Variants in SRBD1 observed in about 807,000 individuals in gnomAD.
SRBD1 encodes S1 RNA binding domain 1.
Under a neutral mutation model 115.3 loss-of-function variants are expected in SRBD1, and 88 were observed. The ratio of observed to expected loss-of-function variants is 0.76; its 90% CI spans 0.64 to 0.91. The LOEUF is 0.91. SRBD1 is among the 40% of genes least tolerant of loss of function. The pLI is 0.00. For synonymous variants in SRBD1, 509 were observed against 407.7 expected (o/e 1.25, Z -2.99); for missense variants, 1,385 against 1,177.4 (o/e 1.18, Z -2.58).
At chr2:45,597,264 C>T (rs1358198352) in intron 4 of SRBD1, among the ~76,000 whole-genome samples, 2 of 151,860 alleles carry the variant, frequency 1.3e-5, no homozygotes, top group Non-Finnish European at 2.9e-5. Flanking sequence ...ACTAAAAATA[C>T]AAAAAATTAG....
chr2:45,454,249 G>A (rs1263993322), intron 16 of SRBD1, among the ~76,000 whole-genome samples: 2 of 151,838 alleles, frequency 1.3e-5, no homozygotes, highest in Admixed American at 6.6e-5. Flanking sequence ...GTAAGATCGT[G>A]GTACTGTGAG....
intron 14 of SRBD1, among the ~76,000 whole-genome samples, chr2:45,541,998 G>A (rs535800101): frequency 6.6e-6 from 1 of 152,346 alleles, no homozygotes; most frequent in East Asian, 1.9e-4. Flanking sequence ...CTGGCTTGGA[G>A]GTGGGGGTTT....
intron 16 of SRBD1, among the ~76,000 whole-genome samples, chr2:45,431,738 G>C (rs368932568): frequency 1.3e-5 from 2 of 152,042 alleles, no homozygotes; most frequent in African/African-American, 2.4e-5. Context: ...TATCAAACCT[G>C]CATGTGCTGT....
chr2:45,610,853 G>A (rs1186290242), intron 1 of SRBD1, among the ~76,000 whole-genome samples: 2 of 151,988 alleles, frequency 1.3e-5, no homozygotes, highest in Non-Finnish European at 2.9e-5. Flanking sequence ...GCGTGAATCC[G>A]GGAGGCGGAG....
intron 16 of SRBD1, among the ~76,000 whole-genome samples, chr2:45,469,735 T>C (rs530660910): frequency 2.1e-4 from 32 of 152,338 alleles, no homozygotes; most frequent in African/African-American, 7.5e-4. Flanking sequence ...TTCATACACC[T>C]AGTCAAGGTC....
At chr2:45,477,135 T>A (rs1669827935) in intron 15 of SRBD1, 60 bp from the exon 16 acceptor site, 1 of 1,363,668 alleles carries the variant, frequency 7.3e-7, no homozygotes, top group Admixed American at 1.7e-5. Context: ...ACCTAATAAT[T>A]ACTTACATTA....
intron 11 of SRBD1, among the ~76,000 whole-genome samples, chr2:45,552,365 AAGAG>A (rs1217474408): frequency 6.6e-6 from 1 of 152,314 alleles, no homozygotes; most frequent in East Asian, 1.9e-4. Flanking sequence ...TAGAAAAAGA[AAGAG>A]AAAGTACTCT....
At chr2:45,472,493 G>A (rs1380737160) in intron 16 of SRBD1, among the ~76,000 whole-genome samples, 2 of 152,016 alleles carry the variant, frequency 1.3e-5, no homozygotes, top group Non-Finnish European at 2.9e-5. Flanking sequence ...TTTAAGAGAT[G>A]GGGGGGTCTC....
intron 18 of SRBD1, among the ~76,000 whole-genome samples, chr2:45,417,791 G>C (rs150720079): frequency 6.6e-6 from 1 of 152,200 alleles, no homozygotes; most frequent in African/African-American, 2.4e-5. Context: ...TTAGGGAACA[G>C]CTATGTCAGT....
Position 45,389,393 on chromosome 2 carries a change from G to A in SRBD1, c.2905C>T (p.Pro969Ser). The stretch of plus-strand genomic sequence containing the variant: ...ACTTGGACTTCCACTCTTTCTCCGG[G>A]GCCCAGTCCAAGGCTTCTTCTCTTC... ...TKKRRSLGLG[P>S]GERVEVQVLN... Residue 969 changes from proline (P) to serine (S), a missense_variant, in exon 21 of 21, where the codon CCC (proline) becomes TCC (serine). By Grantham distance (74) the Pro-to-Ser change is moderately conservative (BLOSUM62 -1). Coordinates refer to ENST00000263736, the MANE Select transcript of SRBD1 (RefSeq NM_018079.5). 6.2e-7 allele frequency: 1 copy of A among 1,613,918 alleles called. No homozygotes were observed. Among genetic ancestry groups the A allele is most frequent in the Non-Finnish European group, 8.5e-7 (1 of 1,179,912 alleles).
rs76817720 is a variant in SRBD1, at chr2:45,524,962, A to G, written c.1874+21770T>C. 1.2e-3 allele frequency among the ~76,000 whole-genome samples: 175 copies of G among 152,146 alleles called. 1 individual carries two copies. The East Asian group carries it at 0.031, about 27-fold the overall frequency. On this transcript the variant is annotated intron_variant, in intron 14 of 20. Transcript: ENST00000263736. ...TAGACTTATAGATCAATGAAACAGG[A>G]CTGAGAGTTTACAAATAAACACACA...
intron 16 of SRBD1, among the ~76,000 whole-genome samples, chr2:45,430,579 C>G (rs1303022586): frequency 6.6e-6 from 1 of 152,158 alleles, no homozygotes; most frequent in Non-Finnish European, 1.5e-5. Context: ...GTTGGGAAAA[C>G]TGGCTAGCCA....
intron 16 of SRBD1, among the ~76,000 whole-genome samples, chr2:45,449,682 A>G (rs1033537812): frequency 2.6e-5 from 4 of 152,192 alleles, no homozygotes; most frequent in Non-Finnish European, 4.4e-5. Context: ...ATACAAATTA[A>G]AACACTGTAT....
At chr2:45,568,075 G>A (rs1470550561) in intron 9 of SRBD1, 1 of 152,108 alleles carries the variant, frequency 6.6e-6, no homozygotes, top group Admixed American at 6.5e-5. Flanking sequence ...CATTGAACAG[G>A]AAATAGGTAG....
At chr2:45,475,208 T>G (rs370038445) in intron 16 of SRBD1, among the ~76,000 whole-genome samples, 12 of 152,278 alleles carry the variant, frequency 7.9e-5, no homozygotes, top group African/African-American at 2.9e-4. Context: ...TTCTTCATAA[T>G]TCCTTTCCCT....
At chr2:45,449,312 CAGA>C (rs1668920604) in intron 16 of SRBD1, among the ~76,000 whole-genome samples, 1 of 152,148 alleles carries the variant, frequency 6.6e-6, no homozygotes, top group African/African-American at 2.4e-5. Context: ...TACACTCCCT[CAGA>C]AGGACAGAGG....
chr2:45,576,008 T>C (rs770631205), intron 7 of SRBD1, among the ~76,000 whole-genome samples: 2 of 152,110 alleles, frequency 1.3e-5, no homozygotes, highest in African/African-American at 2.4e-5. Context: ...CAGTCTGCAC[T>C]TCTACATGGA....
intron 14 of SRBD1, among the ~76,000 whole-genome samples, chr2:45,496,302 CATT>C (rs1208633931): frequency 2.6e-5 from 4 of 151,914 alleles, no homozygotes; most frequent in Non-Finnish European, 4.4e-5. Flanking sequence ...TCTACTCCAT[CATT>C]ATCTAATAAC....
chr2:45,556,485 T>A (rs1376324445), intron 10 of SRBD1, among the ~76,000 whole-genome samples: 6 of 110,998 alleles, frequency 5.4e-5, no homozygotes, highest in Non-Finnish European at 1.0e-4. Flanking sequence ...TGAGACAGAG[T>A]CTCATCTCAT....
Sources: gnomAD v4.1 joint callset for allele counts (sites outside exome capture counted in the v4.1 genomes callset) on GRCh38, gnomAD v4.1.1 for gene constraint, MANE v1.5 for transcripts, NCBI Gene and HGNC (gene_info 2026-07-23, HGNC 2026-07-21) for gene names.